CCDC138: variants seen among roughly 807,000 people sequenced by gnomAD.
CCDC138 encodes the protein coiled-coil domain containing 138.
In CCDC138, 66 loss-of-function variants were observed where a neutral mutation model predicts 82.3. The ratio of observed to expected loss-of-function variants is 0.80; its 90% confidence interval spans 0.66 to 0.98. The LOEUF (loss-of-function observed/expected upper bound fraction) is 0.98. CCDC138 is among the 50% of genes least tolerant of loss of function. The pLI, the probability that CCDC138 is intolerant of heterozygous loss-of-function variation, is 0.00. For missense variants in CCDC138, 816 were observed against 758.9 expected (o/e 1.08, Z -0.88); for synonymous variants, 297 against 265.4 (o/e 1.12, Z -1.16).
intron 13 of CCDC138, among the ~76,000 whole-genome samples, chr2:108,865,037 A>T (rs1275840871): frequency 1.3e-5 from 2 of 152,152 alleles, no homozygotes; most frequent in Non-Finnish European, 2.9e-5. Context: ...GCCTTCAGTT[A>T]CTGTTTCCCT....
chr2:108,793,688 C>G (rs1450863350), intron 4 of CCDC138, among the ~76,000 whole-genome samples: 1 of 151,874 alleles, frequency 6.6e-6, no homozygotes, highest in Non-Finnish European at 1.5e-5. Context: ...GCTCCGCCTC[C>G]CGGATTCACG....
At chr2:108,800,741 A>G (rs1281012004) in intron 6 of CCDC138, among the ~76,000 whole-genome samples, 1 of 111,850 alleles carries the variant, frequency 8.9e-6, no homozygotes, top group Non-Finnish European at 1.8e-5. Flanking sequence ...CTCATCATCT[A>G]GCATTAGGTA....
rs1296097106 is a variant in CCDC138 at position 108,826,666 on chromosome 2, A to G, written c.1206+10561A>G. Among the ~76,000 whole-genome samples, 4 of 152,122 alleles carry G rather than the reference A, an allele frequency of 2.6e-5. No homozygotes were observed. In the East Asian group the frequency reaches 7.7e-4, roughly 29 times the overall value. On this transcript the variant is annotated intron_variant, in intron 10 of 14. Coordinates refer to ENST00000295124, the MANE Select transcript of CCDC138 (RefSeq NM_144978.3). ...GATTCATTACTGTAGCTTTGTAGTA[A>G]ATTTTGAAAACAAAGTGTGAATCTT... is the stretch of plus-strand genomic sequence containing the variant.
At chr2:108,858,737 G>A (rs758622851) in intron 13 of CCDC138, among the ~76,000 whole-genome samples, 1 of 151,152 alleles carries the variant, frequency 6.6e-6, no homozygotes, top group African/African-American at 2.4e-5. Context: ...GGGTACATGT[G>A]CAGGTGTGTT....
At chr2:108,835,832 C>T (rs1688485510) in intron 10 of CCDC138, among the ~76,000 whole-genome samples, 1 of 152,176 alleles carries the variant, frequency 6.6e-6, no homozygotes, top group African/African-American at 2.4e-5. Flanking sequence ...CTGTAAACAA[C>T]AGAAATTTAT....
At chr2:108,809,134 G>A (rs1683337868) in intron 7 of CCDC138, among the ~76,000 whole-genome samples, 1 of 152,026 alleles carries the variant, frequency 6.6e-6, no homozygotes, top group African/African-American at 2.4e-5. Context: ...GTAAATGTGT[G>A]GATTTATTTC....
intron 7 of CCDC138, among the ~76,000 whole-genome samples, chr2:108,809,742 C>A (rs1683476815): frequency 6.6e-6 from 1 of 152,104 alleles, no homozygotes; most frequent in South Asian, 2.1e-4. Flanking sequence ...CTTTCGGTTT[C>A]TTTGCATTGA....
intron 13 of CCDC138, among the ~76,000 whole-genome samples, chr2:108,868,227 C>T (rs976437746): frequency 1.3e-5 from 2 of 152,092 alleles, no homozygotes; most frequent in Non-Finnish European, 2.9e-5. Flanking sequence ...AAGTTACTCG[C>T]GATAGATTTT....
intron 9 of CCDC138, among the ~76,000 whole-genome samples, 195 bp from the exon 10 acceptor site, chr2:108,815,746 T>C (rs1473251642): frequency 6.6e-6 from 1 of 152,022 alleles, no homozygotes; most frequent in Non-Finnish European, 1.5e-5. Flanking sequence ...GATTACAGGC[T>C]TGAGCCACTG....
chr2:108,800,203 C>T (rs1188945339), intron 6 of CCDC138, among the ~76,000 whole-genome samples: 2 of 152,086 alleles, frequency 1.3e-5, no homozygotes, highest in East Asian at 3.9e-4. Flanking sequence ...TCTATTGTTA[C>T]CTTCTGGAGA....
intron 11 of CCDC138, among the ~76,000 whole-genome samples, chr2:108,840,818 A>AT (rs1574163390): frequency 8.8e-6 from 1 of 113,782 alleles, no homozygotes; most frequent in East Asian, 2.1e-4. Flanking sequence ...TTTTCTTTTT[A>AT]TTTTTTTGAG....
chr2:108,879,434 C>A (rs1196178971), downstream of CCDC138, among the ~76,000 whole-genome samples: 2 of 152,096 alleles, frequency 1.3e-5, no homozygotes, highest in African/African-American at 4.8e-5. Flanking sequence ...ATGCAGTTAG[C>A]ATGAATCTGG....
rs757723078 is a variant in CCDC138, at chr2:108,804,869, T to G, written c.736-20T>G. On this transcript the variant is annotated intron_variant, in intron 6 of 14. Coordinates refer to ENST00000295124, the MANE Select transcript of CCDC138 (RefSeq NM_144978.3). ...AGTCCTTACAAGTTTTAGATGAGAG[T>G]TTTTTTTTTCTCCTCCTAGCAGCAT... 5 of 1,400,736 alleles carry G rather than the reference T, an allele frequency of 3.6e-6. No individual in the cohort carries two copies. Among genetic ancestry groups the G allele is most frequent in the East Asian group, 2.6e-5 (1 of 38,098 alleles). 86.8% of individuals were successfully genotyped at this position (1,400,736 alleles called of 1,614,324 possible).
chr2:108,875,276 A>G (rs1474042136), intron 14 of CCDC138, among the ~76,000 whole-genome samples: 1 of 151,510 alleles, frequency 6.6e-6, no homozygotes, highest in Non-Finnish European at 1.5e-5. Context: ...ATATGTAACT[A>G]ACCTGCACAA....
intron 10 of CCDC138, among the ~76,000 whole-genome samples, chr2:108,821,329 G>A (rs915385523): frequency 1.3e-5 from 2 of 152,116 alleles, no homozygotes; most frequent in African/African-American, 4.8e-5. Flanking sequence ...TTGCACTCCA[G>A]CCTGGGCAAC....
intron 12 of CCDC138, among the ~76,000 whole-genome samples, chr2:108,853,878 A>AATATATT (rs1553429528): frequency 8.0e-6 from 1 of 124,856 alleles, no homozygotes; most frequent in Admixed American, 1.0e-4. Context: ...TATACTATAT[A>AATATATT]ATATATTATA....
chr2:108,808,612 G>C (rs978157113), intron 7 of CCDC138, among the ~76,000 whole-genome samples: 34 of 152,118 alleles, frequency 2.2e-4, no homozygotes, highest in African/African-American at 8.0e-4. Flanking sequence ...GATGATTAGT[G>C]ATATTGAGCA....
chr2:108,791,492 T>C (rs750322446), intron 3 of CCDC138, 183 bp from the exon 4 acceptor site: 48 of 648,292 alleles, frequency 7.4e-5, no homozygotes, highest in Non-Finnish European at 1.2e-4. Flanking sequence ...TTGTAGTGGG[T>C]TATCAATGAT....
chr2:108,836,512 A>G (rs923039819), intron 10 of CCDC138, among the ~76,000 whole-genome samples: 4 of 152,214 alleles, frequency 2.6e-5, no homozygotes, highest in African/African-American at 4.8e-5. Context: ...CCCTTTGGAC[A>G]TATACCCAGA....
Sources: allele counts gnomAD v4.1 joint callset (sites outside exome capture counted in the v4.1 genomes callset), GRCh38; gene constraint gnomAD v4.1.1; transcripts MANE v1.5; gene names NCBI Gene and HGNC (gene_info 2026-07-23, HGNC 2026-07-21).